Variants in CACNA2D3 observed in about 807,000 individuals in gnomAD.
The protein encoded by CACNA2D3 is calcium voltage-gated channel auxiliary subunit alpha2delta 3.
In CACNA2D3, 60 loss-of-function variants were observed where a neutral mutation model predicts 160.6. That is an observed-to-expected ratio of 0.37 (90% CI 0.30 to 0.46). The LOEUF is 0.46. Ranked by LOEUF, CACNA2D3 falls within the 20% of genes least tolerant of loss-of-function variation. The pLI is 1.00. For synonymous variants in CACNA2D3, 558 were observed against 492.9 expected, an observed-to-expected ratio of 1.13 and a Z score of -1.75; for missense variants, 1,205 against 1,365.0, an observed-to-expected ratio of 0.88 and a Z score of 1.85.
At chr3:54,822,790 C>CTTTCCTTTCTTTCTTTCTTTCTTT (rs1491160047) in intron 14 of CACNA2D3, among the ~76,000 whole-genome samples, 4 of 71,944 alleles carry the variant, frequency 5.6e-5, no homozygotes, top group East Asian at 4.6e-4. Flanking sequence ...TTCTTTCTTT[C>CTTTCCTTTCTTTCTTTCTTTCTTT]CTTTCTTTCT....
chr3:54,876,448 G>T (rs1699660530), intron 18 of CACNA2D3: 1 of 152,174 alleles, frequency 6.6e-6, no homozygotes. Context: ...GTCAACCCTA[G>T]ATCATAGTAC....
chr3:54,676,777 A>G (rs564028026), intron 11 of CACNA2D3, among the ~76,000 whole-genome samples: 1 of 152,248 alleles, frequency 6.6e-6, no homozygotes, highest in South Asian at 2.1e-4. Context: ...TAAACCTAAA[A>G]ATAAAGTTCG....
At chr3:54,258,466 G>A (rs1030397731) in intron 2 of CACNA2D3, among the ~76,000 whole-genome samples, 1 of 152,196 alleles carries the variant, frequency 6.6e-6, no homozygotes, top group Non-Finnish European at 1.5e-5. Flanking sequence ...AGGGATGGTG[G>A]ATGGCAGAGG....
chr3:54,975,623 G>T (rs1483778829), intron 29 of CACNA2D3, among the ~76,000 whole-genome samples: 1 of 151,218 alleles, frequency 6.6e-6, no homozygotes, highest in African/African-American at 2.4e-5. Flanking sequence ...TCTCCGCCTT[G>T]TTCTCTTCCC....
chr3:54,917,727 C>T (rs1700697304), intron 27 of CACNA2D3, among the ~76,000 whole-genome samples: 1 of 152,160 alleles, frequency 6.6e-6, no homozygotes, highest in African/African-American at 2.4e-5. Flanking sequence ...AATTCTGGCT[C>T]CCCATCCTCT....
chr3:54,800,019 CA>C (rs1433263264), intron 13 of CACNA2D3, among the ~76,000 whole-genome samples: 6 of 152,322 alleles, frequency 3.9e-5, no homozygotes, highest in African/African-American at 9.6e-5. Context: ...AATTATGAAA[CA>C]TTTTTTTGCA....
At chr3:54,822,794 T>TCTTTCCTTC (rs1559595646) in intron 14 of CACNA2D3, among the ~76,000 whole-genome samples, 1 of 63,266 alleles carries the variant, frequency 1.6e-5, no homozygotes, top group Non-Finnish European at 3.0e-5. Context: ...TTCTTTCCTT[T>TCTTTCCTTC]CTTTCTTTCT....
intron 11 of CACNA2D3, among the ~76,000 whole-genome samples, chr3:54,744,371 G>T (rs750150965): frequency 1.3e-5 from 2 of 152,168 alleles, no homozygotes; most frequent in Non-Finnish European, 2.9e-5. Context: ...TTCTTAGACA[G>T]TCCTGGGTTT....
chr3:54,395,809 GT>G (rs756069618), intron 4 of CACNA2D3, among the ~76,000 whole-genome samples: 1,002 of 43,098 alleles, frequency 0.023, 2 homozygotes, highest in Middle Eastern at 0.047. Context: ...TTCTTTTTTG[GT>G]TCCATATGAA....
At chr3:54,721,447 T>G (rs1701167378) in intron 11 of CACNA2D3, among the ~76,000 whole-genome samples, 1 of 152,118 alleles carries the variant, frequency 6.6e-6, no homozygotes, top group Non-Finnish European at 1.5e-5. Flanking sequence ...GAGGCTTACA[T>G]TTTTTTCAGT....
chr3:54,869,539 A>G (rs72876015), intron 17 of CACNA2D3, among the ~76,000 whole-genome samples: 2,054 of 152,244 alleles, frequency 0.013, 29 homozygotes, highest in African/African-American at 0.046. Context: ...CTCAAAATAG[A>G]CAGTTTAGAT....
At chr3:54,880,000 A>C (rs1157182524) in intron 20 of CACNA2D3, among the ~76,000 whole-genome samples, 1 of 152,198 alleles carries the variant, frequency 6.6e-6, no homozygotes, top group Non-Finnish European at 1.5e-5. Flanking sequence ...TTTTGTAAAA[A>C]ATTATTTCAG....
chr3:54,553,194 T>C (rs907830358), intron 5 of CACNA2D3, among the ~76,000 whole-genome samples: 2 of 152,202 alleles, frequency 1.3e-5, no homozygotes, highest in Non-Finnish European at 2.9e-5. Flanking sequence ...AATAAACCTA[T>C]TGTATAATTC....
chr3:54,340,182 G>A (rs1197634772), intron 3 of CACNA2D3, among the ~76,000 whole-genome samples: 1 of 152,160 alleles, frequency 6.6e-6, no homozygotes, highest in East Asian at 1.9e-4. Context: ...GGTTTGTGCT[G>A]ATAGTGTTCC....
At chr3:54,908,552 C>CA (rs1393730072) in intron 27 of CACNA2D3, among the ~76,000 whole-genome samples, 5 of 151,978 alleles carry the variant, frequency 3.3e-5, no homozygotes, top group Non-Finnish European at 7.4e-5. Context: ...ACCACCTCTA[C>CA]AAAAAAATAC....
At chr3:54,830,711 G>C (rs1882316) in intron 14 of CACNA2D3, among the ~76,000 whole-genome samples, 2 of 151,782 alleles carry the variant, frequency 1.3e-5, no homozygotes, top group Non-Finnish European at 2.9e-5. Flanking sequence ...CTCCCAAAGT[G>C]CTGGGATTTG....
chr3:54,391,491 G>GCTTT lies in CACNA2D3; in HGVS notation c.381+4742_381+4745dup, dbSNP rs569183232. Among the ~76,000 whole-genome samples the GCTTT allele has an allele frequency of 4.4e-3, 660 of 150,098 alleles. 4 individuals are homozygous for GCTTT. Among genetic ancestry groups the GCTTT allele is most frequent in the East Asian group, 0.02 (104 of 5,100 alleles). ...GTGCTTGGCCTTCATTGGCGGGGTG[G>GCTTT]CTTTCTTTCTTTCTTTCTTTCTTTC... On this transcript the variant is annotated intron_variant, in intron 4 of 37. Coordinates refer to ENST00000474759, the MANE Select transcript of CACNA2D3 (RefSeq NM_018398.3).
intron 2 of CACNA2D3, among the ~76,000 whole-genome samples, chr3:54,214,453 G>A (rs1016181843): frequency 1.3e-5 from 2 of 152,150 alleles, no homozygotes; most frequent in Non-Finnish European, 2.9e-5. Flanking sequence ...GTCCCTAAGG[G>A]ACAAGATCTG....
At chr3:54,211,746 C>T (rs1339849382) in intron 2 of CACNA2D3, among the ~76,000 whole-genome samples, 2 of 152,072 alleles carry the variant, frequency 1.3e-5, no homozygotes, top group South Asian at 2.1e-4. Context: ...TACCAGTGTA[C>T]GTAAACATCT....
Sources: allele counts gnomAD v4.1 joint callset (sites outside exome capture counted in the v4.1 genomes callset), GRCh38; gene constraint gnomAD v4.1.1; transcripts MANE v1.5; gene names NCBI Gene and HGNC (gene_info 2026-07-23, HGNC 2026-07-21).